Variants in CA2 observed in about 807,000 individuals in gnomAD.
The protein encoded by CA2 is carbonate dehydratase II.
A neutral mutation model predicts 27.8 loss-of-function variants in CA2; 23 were observed. The ratio of observed to expected loss-of-function variants is 0.83; its 90% CI spans 0.59 to 1.17. The LOEUF (loss-of-function observed/expected upper bound fraction) is 1.17. Among genes scored for constraint, CA2 ranks in the 50% most tolerant of loss-of-function variants. The pLI, the probability that CA2 is intolerant of heterozygous loss-of-function variation, is 0.00. For synonymous variants in CA2, 99 were observed against 114.9 expected (o/e 0.86, Z 0.88); for missense variants, 300 against 314.7 (o/e 0.95, Z 0.35).
chr8:85,481,391 T>A lies in CA2; in HGVS notation c.*602T>A, dbSNP rs1002537536. ...GAAGTATTATCTGTAAAAATTGTTA[T>A]AATTAGAGTTGTGATACAGAGTATA... On this transcript the variant is annotated 3_prime_UTR_variant, in exon 7 of 7. Transcript: ENST00000285379. 9 of 152,840 alleles carry A rather than the reference T, an allele frequency of 5.9e-5. No individual in the cohort carries two copies. The highest frequency in any genetic ancestry group is 1.7e-4 in the African/African-American group (7 of 41,468). The allele number at this position is 152,840 out of a possible 1,614,324, so 9.5% of individuals were successfully genotyped here.
In CA2 at chr8:85,477,154, G is replaced by A. The variant is rs756527443; in HGVS notation, c.542G>A (p.Arg181His). ...KSADFTNFDPRGLLPESLDYW... is the reference protein window; with the variant it reads ...KSADFTNFDPHGLLPESLDYW... ...GCTGACTTCACTAACTTCGATCCTCGTGGCCTCCTTCCTGAATCCTTGGAT... is the reference window on the plus strand; with the variant it reads ...GCTGACTTCACTAACTTCGATCCTCATGGCCTCCTTCCTGAATCCTTGGAT... The change falls in exon 6 of 7, where the codon CGT (arginine) becomes CAT (histidine). Residue 181 changes from arginine to histidine, a missense_variant. Physicochemically the swap from Arg to His is conservative, Grantham distance 29. Coordinates refer to ENST00000285379, the MANE Select transcript of CA2 (RefSeq NM_000067.3). The A allele has an allele frequency of 1.3e-5, 21 of 1,613,886 alleles. No homozygotes were observed. In the East Asian group the frequency reaches 2.0e-4, roughly 15 times the overall value.
chr8:85,464,422 C>T, intron 1 of CA2: 1 of 369,764 alleles, frequency 2.7e-6, no homozygotes, highest in Non-Finnish European at 4.8e-6. Flanking sequence ...GACAGTCCCT[C>T]CCGGGTCCCG....
At chr8:85,480,577 C>G in intron 6 of CA2, 93 bp from the exon 7 acceptor site, 1 of 1,319,088 alleles carries the variant, frequency 7.6e-7, no homozygotes, top group East Asian at 2.5e-5. Flanking sequence ...GCCACTGCGC[C>G]TGGCCGGGGA....
At position 85,480,819 on chromosome 8, in the gene CA2, G is replaced by C; in HGVS notation, c.*30G>C. 4 of 1,611,808 alleles carry C rather than the reference G, an allele frequency of 2.5e-6. No homozygotes were observed. Among genetic ancestry groups the C allele is most frequent in the Non-Finnish European group, 3.4e-6 (4 of 1,178,352 alleles). ...GTCCCATAGTCTGTATCCAAATAAT[G>C]AATCTTCGGGTGTTTCCCTTTAGCT... On this transcript the variant is annotated 3_prime_UTR_variant, in exon 7 of 7. Coordinates refer to ENST00000285379, the MANE Select transcript of CA2 (RefSeq NM_000067.3).
chr8:85,476,077 A>G (rs569150256), intron 5 of CA2, among the ~76,000 whole-genome samples: 57 of 152,306 alleles, frequency 3.7e-4, no homozygotes, highest in African/African-American at 1.2e-3. Flanking sequence ...TATTTATTTA[A>G]TCTTGCTCCC....
In CA2 at chr8:85,480,771, C is replaced by T; in HGVS notation, c.765C>T (p.Ile255=). ...CTCAGCCACTGAAGAACAGGCAAAT[C>T]AAAGCTTCCTTCAAATAAGATGGTC... The part of the protein sequence containing the change: ...RPAQPLKNRQ[I]KASFK Residue 255 remains isoleucine (I), a synonymous_variant, in exon 7 of 7, where the codon ATC becomes ATT. Transcript: ENST00000285379. 1 of 1,613,862 alleles carries T rather than the reference C, an allele frequency of 6.2e-7. No homozygotes were observed. The highest frequency in any genetic ancestry group is 8.5e-7 in the Non-Finnish European group (1 of 1,179,848).
At chr8:85,473,117 G>A (rs1441794181) in intron 2 of CA2, among the ~76,000 whole-genome samples, 1 of 152,014 alleles carries the variant, frequency 6.6e-6, no homozygotes, top group Non-Finnish European at 1.5e-5. Flanking sequence ...GCCTATATAA[G>A]GATAATTGGA....
rs1422267724 is a variant in CA2, at chr8:85,477,280, G to T, written c.663+5G>T. On this transcript the variant is annotated splice_donor_5th_base_variant and intron_variant, in intron 6 of 6. Transcript: ENST00000285379. ...ATCAGCGTCAGCAGCGAGCAGGTTT[G>T]TTTTGTAATGACAGGTCTGTTTACG... The T allele has an allele frequency of 3.1e-6, 5 of 1,614,028 alleles. No homozygotes were observed. In the South Asian group the frequency reaches 5.5e-5, roughly 18 times the overall value.
chr8:85,477,137 C>A lies in CA2; in HGVS notation c.525C>A (p.Phe175Leu). Residue 175 changes from phenylalanine to leucine, a missense_variant, in exon 6 of 7, where the codon TTC becomes TTA. Phe to Leu is a conservative substitution (Grantham distance 22). Coordinates refer to ENST00000285379, the MANE Select transcript of CA2 (RefSeq NM_000067.3). ...SIKTKGKSAD[F>L]TNFDPRGLLP... is the part of the protein sequence containing the mutation. Reference sequence around the variant, plus strand: ...TGTTCTAGGGCAAGAGTGCTGACTTCACTAACTTCGATCCTCGTGGCCTCC... The same window carrying A: ...TGTTCTAGGGCAAGAGTGCTGACTTAACTAACTTCGATCCTCGTGGCCTCC... The A allele has an allele frequency of 6.2e-7, 1 of 1,614,114 alleles. No homozygotes were observed. The highest frequency in any genetic ancestry group is 8.5e-7 in the Non-Finnish European group (1 of 1,179,976).
intron 2 of CA2, among the ~76,000 whole-genome samples, chr8:85,467,268 TG>T (rs1229614138): frequency 6.6e-6 from 1 of 152,238 alleles, no homozygotes; most frequent in African/African-American, 2.4e-5. Flanking sequence ...CAGCATAGAC[TG>T]GGGTCAGAGA....
At chr8:85,475,684 G>A in intron 4 of CA2, 114 bp from the exon 5 acceptor site, 2 of 875,716 alleles carry the variant, frequency 2.3e-6, no homozygotes, top group Non-Finnish European at 3.8e-6. Flanking sequence ...TGTATGAAGT[G>A]GAGAATTTGG....
intron 2 of CA2, chr8:85,473,468 G>GT: frequency 1.5e-6 from 1 of 655,518 alleles, no homozygotes; most frequent in African/African-American, 1.8e-5. Context: ...AATAAAAACA[G>GT]GTAAAGTGAT....
intron 3 of CA2, chr8:85,474,104 G>T: frequency 1.6e-6 from 1 of 612,676 alleles, no homozygotes; most frequent in East Asian, 2.8e-5. Context: ...TGTCAAAACT[G>T]TACATTTATT....
intron 5 of CA2, 45 bp from the exon 6 acceptor site, chr8:85,477,075 T>C (rs201430243): frequency 6.2e-7 from 1 of 1,605,824 alleles, no homozygotes; most frequent in East Asian, 2.2e-5. Context: ...TTCCTCCTAC[T>C]CTGTCAATGT....
Position 85,477,145 on chromosome 8 carries a change from T to C in CA2, c.533T>C (p.Phe178Ser). The C allele has an allele frequency of 6.2e-7, 1 of 1,614,106 alleles. No individual in the cohort carries two copies. The highest frequency in any genetic ancestry group is 8.5e-7 in the Non-Finnish European group (1 of 1,179,978). ...GGCAAGAGTGCTGACTTCACTAACT[T>C]CGATCCTCGTGGCCTCCTTCCTGAA... ...TKGKSADFTN[F>S]DPRGLLPESL... is the part of the protein sequence containing the mutation. Residue 178 changes from phenylalanine (F) to serine (S), a missense_variant, in exon 6 of 7, where the codon TTC becomes TCC. Physicochemically the swap from Phe to Ser is radical, Grantham distance 155. This residue lies in a region of CA2 where 173 missense variants were observed against 161.0 expected (regional missense o/e 1.07). Transcript: ENST00000285379.
rs184921993 is a variant in CA2 at position 85,465,751 on chromosome 8, C to A, written c.232+282C>A. On this transcript the variant is annotated intron_variant, in intron 2 of 6. Coordinates refer to ENST00000285379, the MANE Select transcript of CA2 (RefSeq NM_000067.3). Reference sequence around the variant, plus strand: ...TGAAAAATCACAAAAGGTGCAAAGTCCCCTCGCAATAAAGATCAGTCACGA... The same window carrying A: ...TGAAAAATCACAAAAGGTGCAAAGTACCCTCGCAATAAAGATCAGTCACGA... Among the ~76,000 whole-genome samples the A allele has an allele frequency of 2.7e-4, 41 of 152,288 alleles. No homozygotes were observed. The East Asian group carries it at 6.2e-3, about 23-fold the overall frequency.
Position 85,475,999 on chromosome 8 carries a change from A to C in CA2, c.507+139A>C, listed in dbSNP as rs2307075. ...GAGCAGTTAGTAAAGGTAGAATATT[A>C]CTTAAATATTTAATTAACGTTTCTT... On this transcript the variant is annotated intron_variant, in intron 5 of 6. Transcript: ENST00000285379. 0.59 allele frequency: 417,230 copies of C among 706,184 alleles called. 126,049 individuals carry two copies. The highest frequency in any genetic ancestry group is 0.71 in the African/African-American group (39,589 of 56,022). 43.7% of individuals were successfully genotyped at this position (706,184 alleles called of 1,614,324 possible). A position where few individuals can be genotyped will look rare whatever the true frequency, so the allele number is the denominator to read the frequency against.
Position 85,465,479 on chromosome 8 carries a change from T to A in CA2, c.232+10T>A. The stretch of plus-strand genomic sequence containing the variant: ...TCTCAGGACAAAGCAGGTCAGTGTT[T>A]AGAAAATAACTTGTGTCTTTTAGCC... On this transcript the variant is annotated intron_variant, in intron 2 of 6. Coordinates refer to ENST00000285379, the MANE Select transcript of CA2 (RefSeq NM_000067.3). 1 of 1,609,876 alleles carries A rather than the reference T, an allele frequency of 6.2e-7. No homozygotes were observed.
At chr8:85,476,901 G>GTTT (rs76092398) in intron 5 of CA2, among the ~76,000 whole-genome samples, 3 of 139,356 alleles carry the variant, frequency 2.2e-5, no homozygotes, top group East Asian at 2.1e-4. Flanking sequence ...TGTGAAAATA[G>GTTT]TTTTTTTTTT....
Sources: allele counts gnomAD v4.1 joint callset (sites outside exome capture counted in the v4.1 genomes callset), GRCh38; gene constraint gnomAD v4.1.1; regional missense constraint gnomAD v4.1.1; transcripts MANE v1.5; gene names NCBI Gene and HGNC (gene_info 2026-07-23, HGNC 2026-07-21).